The following DEFB104B variants were observed in gnomAD, a reference collection of about 807,000 sequenced individuals.
DEFB104B encodes the protein beta-defensin 104.
rs865778046 is a variant in DEFB104B at position 7,473,864 on chromosome 8, A to G, written c.58+1147T>C. On this transcript the variant is annotated intron_variant, in intron 1 of 1. Transcript: ENST00000316169. ...ATAATGGCAGCCAGCTCTGCGGTGC[A>G]TTCTTCGGGATCTGGAGGGATCCCT... Among the ~76,000 whole-genome samples, 1,080 of 138,866 alleles carry G rather than the reference A, an allele frequency of 7.8e-3. 16 individuals are homozygous for G. The highest frequency in any genetic ancestry group is 0.026 in the African/African-American group (1,019 of 39,096). The allele number at this position is 138,866 out of a possible 152,430, so 91.1% of individuals were successfully genotyped here.
At chr8:7,474,403 G>A (rs1407386188) in intron 1 of DEFB104B, among the ~76,000 whole-genome samples, 3 of 143,142 alleles carry the variant, frequency 2.1e-5, no homozygotes, top group African/African-American at 5.1e-5. Context: ...GATTAACGTA[G>A]GAGTCAGAAG....
At chr8:7,474,187 G>T (rs1469831502) in intron 1 of DEFB104B, among the ~76,000 whole-genome samples, 2 of 143,300 alleles carry the variant, frequency 1.4e-5, no homozygotes, top group Non-Finnish European at 3.1e-5. Flanking sequence ...TGAGCAGCTT[G>T]GAAGAGAAGA....
At chr8:7,472,590 C>T (rs1205263618) in intron 1 of DEFB104B, among the ~76,000 whole-genome samples, 3 of 130,698 alleles carry the variant, frequency 2.3e-5, no homozygotes, top group Admixed American at 1.6e-4. Context: ...GTAGACTACA[C>T]TACACTAGTT....
chr8:7,472,469 AC>A (rs1351752173), intron 1 of DEFB104B, among the ~76,000 whole-genome samples: 1 of 139,258 alleles, frequency 7.2e-6, no homozygotes, highest in Non-Finnish European at 1.5e-5. Context: ...TGGAACAGAA[AC>A]CTAGTTGGTA....
intron 1 of DEFB104B, among the ~76,000 whole-genome samples, chr8:7,474,611 G>C (rs1298657731): frequency 7.1e-6 from 1 of 141,238 alleles, no homozygotes; most frequent in Non-Finnish European, 1.6e-5. Context: ...CTGTTCAGAA[G>C]GAGGAGGATG....
Position 7,472,844 on chromosome 8 carries a change from T to C in DEFB104B, c.58+2167A>G, listed in dbSNP as rs1811000871. Among the ~76,000 whole-genome samples the C allele has an allele frequency of 3.0e-5, 4 of 131,608 alleles. 2 individuals carry two copies. Among genetic ancestry groups the C allele is most frequent in the African/African-American group, 1.3e-4 (4 of 30,562 alleles). 86.3% of individuals were successfully genotyped at this position (131,608 alleles called of 152,430 possible). On this transcript the variant is annotated intron_variant, in intron 1 of 1. Transcript: ENST00000316169. ...CGTGTAAGATTTGCTTTGTTTTTTTTGTTTGTTTGTTTGTTTGTTTGGTTT... is the reference window on the plus strand; with the variant it reads ...CGTGTAAGATTTGCTTTGTTTTTTTCGTTTGTTTGTTTGTTTGTTTGGTTT...
chr8:7,472,836 G>GTT (rs372274885), intron 1 of DEFB104B, among the ~76,000 whole-genome samples: 10,989 of 126,458 alleles, frequency 0.087, 618 homozygotes, highest in African/African-American at 0.11. Context: ...GATTTGCTTT[G>GTT]TTTTTTTTGT....
At chr8:7,472,935 C>A (rs1381767848) in intron 1 of DEFB104B, among the ~76,000 whole-genome samples, 1 of 117,768 alleles carries the variant, frequency 8.5e-6, no homozygotes, top group Non-Finnish European at 1.7e-5. Context: ...CAGCTCACTG[C>A]AACCTCCACC....
At chr8:7,472,528 A>G (rs866417844) in intron 1 of DEFB104B, among the ~76,000 whole-genome samples, 1 of 137,340 alleles carries the variant, frequency 7.3e-6, no homozygotes, top group Admixed American at 7.3e-5. Context: ...AATGCAGTCC[A>G]TACACTAAGG....
At chr8:7,473,186 G>A (rs1811014237) in intron 1 of DEFB104B, among the ~76,000 whole-genome samples, 1 of 62,392 alleles carries the variant, frequency 1.6e-5, no homozygotes, top group Non-Finnish European at 4.5e-5. Context: ...CAGAAAGGTG[G>A]GACAATTCAA....
chr8:7,472,102 C>T (rs1289118647), intron 1 of DEFB104B, among the ~76,000 whole-genome samples: 3 of 146,570 alleles, frequency 2.0e-5, no homozygotes, highest in South Asian at 2.1e-4. Context: ...AAAGCAAGCC[C>T]CTGTGGTCAC....
chr8:7,472,571 C>T (rs1810991354), intron 1 of DEFB104B, among the ~76,000 whole-genome samples: 1 of 133,374 alleles, frequency 7.5e-6, no homozygotes, highest in African/African-American at 3.0e-5. Context: ...GCAATAAATA[C>T]ATTCCAGGGT....
At chr8:7,471,168 G>GTATA (rs201353313) in intron 1 of DEFB104B, among the ~76,000 whole-genome samples, 133 of 144,690 alleles carry the variant, frequency 9.2e-4, no homozygotes, top group African/African-American at 2.5e-3. Flanking sequence ...ATCTATATAG[G>GTATA]TATATATATA....
chr8:7,473,217 T>G (rs1811016194), intron 1 of DEFB104B, among the ~76,000 whole-genome samples: 1 of 46,550 alleles, frequency 2.1e-5, no homozygotes, highest in African/African-American at 4.0e-5. Context: ...GCGGGGGGCC[T>G]GTGGGGGTGC....
intron 1 of DEFB104B, among the ~76,000 whole-genome samples, chr8:7,471,066 C>T (rs1054907535): frequency 1.3e-5 from 2 of 152,058 alleles, no homozygotes; most frequent in African/African-American, 2.4e-5. Context: ...CTGTCCTCTT[C>T]GTGTATTCAA....
intron 1 of DEFB104B, among the ~76,000 whole-genome samples, chr8:7,472,005 G>A (rs1162799432): frequency 6.6e-6 from 1 of 151,408 alleles, no homozygotes; most frequent in Non-Finnish European, 1.5e-5. Context: ...CAATTCATGT[G>A]CTGGATAGGA....
intron 1 of DEFB104B, 40 bp downstream of exon 1, chr8:7,474,971 C>A (rs1189368687): frequency 1.8e-6 from 1 of 550,028 alleles, no homozygotes; most frequent in South Asian, 1.9e-5. Flanking sequence ...CTGTCATCCC[C>A]AGCAACTGTG....
At chr8:7,474,123 T>A (rs2739981) in intron 1 of DEFB104B, among the ~76,000 whole-genome samples, 1 of 139,786 alleles carries the variant, frequency 7.2e-6, no homozygotes, top group South Asian at 2.2e-4. Context: ...AGGCACAGCC[T>A]GGAAGGGTAA....
intron 1 of DEFB104B, among the ~76,000 whole-genome samples, chr8:7,472,406 C>T (rs1279916765): frequency 7.5e-6 from 1 of 134,198 alleles, no homozygotes; most frequent in South Asian, 2.7e-4. Context: ...AATGAAGGCT[C>T]AGAGAAGGAA....
Sources: gnomAD v4.1 joint callset for allele counts (sites outside exome capture counted in the v4.1 genomes callset) on GRCh38, gnomAD v4.1.1 for gene constraint, MANE v1.5 for transcripts, NCBI Gene and HGNC (gene_info 2026-07-23, HGNC 2026-07-21) for gene names.